The following PBX3 variants were observed in gnomAD, a reference collection of about 807,000 sequenced individuals.
PBX3 encodes the protein PBX homeobox 3.
A neutral mutation model predicts 48.5 loss-of-function variants in PBX3; 14 were observed. The observed-to-expected ratio is 0.29, with a 90% CI of 0.19 to 0.45. The LOEUF (loss-of-function observed/expected upper bound fraction) is 0.45. PBX3 is among the 20% of genes least tolerant of loss of function. The pLI is 1.00. For synonymous variants in PBX3, 210 were observed against 200.3 expected (o/e 1.05, Z -0.41); for missense variants, 386 against 546.7 (o/e 0.71, Z 2.93).
At chr9:125,936,987 G>T (rs550464829) in intron 5 of PBX3, among the ~76,000 whole-genome samples, 1 of 152,200 alleles carries the variant, frequency 6.6e-6, no homozygotes, top group Non-Finnish European at 1.5e-5. Context: ...ATTAGTGAAA[G>T]GATTAGGTTC....
chr9:125,936,020 G>A (rs564687348), intron 5 of PBX3, among the ~76,000 whole-genome samples: 65 of 152,298 alleles, frequency 4.3e-4, no homozygotes, highest in African/African-American at 1.5e-3. Flanking sequence ...TTTGGTGAAA[G>A]CTTTGAGGAA....
intron 2 of PBX3, among the ~76,000 whole-genome samples, chr9:125,818,369 C>G (rs1447251758): frequency 6.6e-6 from 1 of 150,610 alleles, no homozygotes; most frequent in Non-Finnish European, 1.5e-5. Context: ...CTCACTCACT[C>G]TGTCACCCAG....
chr9:125,803,152 G>C (rs1172691559), intron 2 of PBX3, among the ~76,000 whole-genome samples: 1 of 141,510 alleles, frequency 7.1e-6, no homozygotes, highest in Admixed American at 7.3e-5. Context: ...GGAGTGCAGT[G>C]GTGCGATCTC....
intron 2 of PBX3, among the ~76,000 whole-genome samples, chr9:125,902,132 G>A (rs1370621683): frequency 1.3e-5 from 2 of 151,330 alleles, no homozygotes; most frequent in Non-Finnish European, 3.0e-5. Flanking sequence ...GGCTAGTAGC[G>A]AGGCAAATAT....
chr9:125,769,228 C>T (rs1265914481), intron 2 of PBX3, among the ~76,000 whole-genome samples: 1 of 152,230 alleles, frequency 6.6e-6, no homozygotes, highest in Non-Finnish European at 1.5e-5. Context: ...GTGCCGCTGT[C>T]TTGCTTTGTG....
intron 2 of PBX3, chr9:125,749,516 A>G (rs1458592297): frequency 4.0e-5 from 6 of 150,394 alleles, no homozygotes; most frequent in Admixed American, 2.0e-4. Flanking sequence ...AAACAAGTAC[A>G]TTAAACAAGC....
intron 2 of PBX3, among the ~76,000 whole-genome samples, chr9:125,754,319 C>CT (rs1354178367): frequency 6.6e-6 from 1 of 152,096 alleles, no homozygotes; most frequent in Non-Finnish European, 1.5e-5. Flanking sequence ...CCACCTCCCC[C>CT]TCAAGCCCGT....
chr9:125,856,041 C>CA (rs1321429357), intron 2 of PBX3, among the ~76,000 whole-genome samples: 3 of 151,552 alleles, frequency 2.0e-5, no homozygotes, highest in Non-Finnish European at 4.4e-5. Flanking sequence ...TAAATAGGCC[C>CA]AAACCATAGC....
chr9:125,822,796 T>G (rs1838690917), intron 2 of PBX3, among the ~76,000 whole-genome samples: 1 of 152,120 alleles, frequency 6.6e-6, no homozygotes, highest in South Asian at 2.1e-4. Context: ...TAGTAGCTTA[T>G]TATATTGAGT....
rs1837427902 is a variant in PBX3, at chr9:125,785,225, C to T, written c.274+36602C>T. Among the ~76,000 whole-genome samples, 3 of 152,112 alleles carry T rather than the reference C, an allele frequency of 2.0e-5. No homozygotes were observed. In the South Asian group the frequency reaches 6.2e-4, roughly 31 times the overall value. ...ATTGGGTTGAAGGATGCCTAGATAG[C>T]TGGTAGAGTATTGTTTCTGGGTGTG... is the stretch of plus-strand genomic sequence containing the variant. On this transcript the variant is annotated intron_variant, in intron 2 of 8. Coordinates refer to ENST00000373489, the MANE Select transcript of PBX3 (RefSeq NM_006195.6).
rs45470507 is a variant in PBX3 at position 125,965,815 on chromosome 9, G to A, written c.1213-16G>A. 2.2e-3 allele frequency: 3,527 copies of A among 1,601,186 alleles called. 6 individuals carry two copies. The highest frequency in any genetic ancestry group is 2.3e-3 in the Non-Finnish European group (2,745 of 1,168,134). ...TATGTAGACGTGCACCCGTTGAACT[G>A]TGTTTCTCCTTTCAGGCTAATGGAG... On this transcript the variant is annotated splice_polypyrimidine_tract_variant and intron_variant, in intron 8 of 8. Transcript: ENST00000373489.
At chr9:125,886,987 A>G (rs1298014768) in intron 2 of PBX3, among the ~76,000 whole-genome samples, 1 of 152,150 alleles carries the variant, frequency 6.6e-6, no homozygotes, top group African/African-American at 2.4e-5. Flanking sequence ...AAATTAGTAA[A>G]AAGGCTTTTC....
intron 5 of PBX3, among the ~76,000 whole-genome samples, chr9:125,959,346 A>G (rs149866805): frequency 5.3e-5 from 8 of 152,344 alleles, no homozygotes; most frequent in Admixed American, 2.6e-4. Context: ...ACCTATGCTC[A>G]TGGTTGCTGC....
chr9:125,900,018 A>G (rs1392220927), intron 2 of PBX3, among the ~76,000 whole-genome samples: 1 of 151,686 alleles, frequency 6.6e-6, no homozygotes, highest in Non-Finnish European at 1.5e-5. Flanking sequence ...TGCTTAATGT[A>G]TTATTCATAG....
intron 3 of PBX3, among the ~76,000 whole-genome samples, chr9:125,917,798 T>G (rs867785347): frequency 8.5e-5 from 13 of 152,322 alleles, no homozygotes; most frequent in Middle Eastern, 3.4e-3. Flanking sequence ...ATAAGGTGTT[T>G]TCTATTTTTG....
intron 2 of PBX3, among the ~76,000 whole-genome samples, chr9:125,875,929 C>T (rs1379488619): frequency 6.6e-6 from 1 of 152,162 alleles, no homozygotes; most frequent in Non-Finnish European, 1.5e-5. Flanking sequence ...AAGAAGACCT[C>T]AACCCAGTTT....
rs977832491 is a variant in PBX3, at chr9:125,913,742, C to T, written c.275-1944C>T. On this transcript the variant is annotated intron_variant, in intron 2 of 8. Transcript: ENST00000373489. ...AACTACAAGGGGAAAACTAGAAACCCGGAGGAAACTTGAAGGTAGATTAAA... is the reference window on the plus strand; with the variant it reads ...AACTACAAGGGGAAAACTAGAAACCTGGAGGAAACTTGAAGGTAGATTAAA... Among the ~76,000 whole-genome samples the T allele has an allele frequency of 1.3e-4, 19 of 151,712 alleles. 1 individual carries two copies. The highest frequency in any genetic ancestry group is 1.9e-4 in the East Asian group (1 of 5,176).
chr9:125,872,241 A>G (rs1588243668), intron 2 of PBX3, among the ~76,000 whole-genome samples: 1 of 152,236 alleles, frequency 6.6e-6, no homozygotes, highest in African/African-American at 2.4e-5. Flanking sequence ...ATCTACATAT[A>G]TCTTACCACA....
intron 2 of PBX3, among the ~76,000 whole-genome samples, chr9:125,860,950 TCAA>T (rs1839849332): frequency 6.7e-6 from 1 of 149,702 alleles, no homozygotes; most frequent in Non-Finnish European, 1.5e-5. Flanking sequence ...AATTAAAAGT[TCAA>T]CAAGTTACCA....
Sources: allele counts gnomAD v4.1 joint callset (sites outside exome capture counted in the v4.1 genomes callset), GRCh38; gene constraint gnomAD v4.1.1; transcripts MANE v1.5; gene names NCBI Gene and HGNC (gene_info 2026-07-23, HGNC 2026-07-21).